The following KAZN variants were observed in gnomAD, a reference collection of about 807,000 sequenced individuals.
KAZN encodes the protein kazrin.
Under a neutral mutation model 87.4 loss-of-function variants are expected in KAZN, and 40 were observed. The ratio of observed to expected loss-of-function variants is 0.46; its 90% CI spans 0.36 to 0.60. The LOEUF is 0.60. Among genes scored for constraint, KAZN ranks in the 20% least tolerant of loss-of-function variants. The pLI, the probability that KAZN is intolerant of heterozygous loss-of-function variation, is 0.00. For missense variants in KAZN, 898 were observed against 1,073.9 expected, an observed-to-expected ratio of 0.84 and a Z score of 2.29; for synonymous variants, 466 against 458.3, an observed-to-expected ratio of 1.02 and a Z score of -0.22.
At chr1:14,375,033 G>A (rs1660787165) in intron 2 of KAZN, among the ~76,000 whole-genome samples, 1 of 152,124 alleles carries the variant, frequency 6.6e-6, no homozygotes, top group Non-Finnish European at 1.5e-5. Context: ...CTTTCAGCTT[G>A]GCTTGGGAAT....
Position 14,319,820 on chromosome 1 carries a change from A to G in KAZN, c.249+139228A>G, listed in dbSNP as rs1016237268. ...CTAGTTTTTGAAGGCAGGAGGATAA[A>G]CCCACTCCCTGTTTTTCTATTATGA... is the stretch of plus-strand genomic sequence containing the variant. On this transcript the variant is annotated intron_variant, in intron 2 of 16. Coordinates refer to the KAZN transcript ENST00000636203. Among the ~76,000 whole-genome samples the G allele has an allele frequency of 2.0e-5, 3 of 152,258 alleles. No homozygotes were observed. The East Asian group carries it at 5.8e-4, about 29-fold the overall frequency.
intron 1 of KAZN, among the ~76,000 whole-genome samples, chr1:14,664,140 T>C (rs1281758849): frequency 1.3e-5 from 2 of 152,122 alleles, no homozygotes; most frequent in African/African-American, 4.8e-5. Flanking sequence ...AAACAGAAAG[T>C]AGAGCTGACT....
At chr1:14,551,964 CTCT>C (rs1673552204) in intron 2 of KAZN, among the ~76,000 whole-genome samples, 2 of 152,142 alleles carry the variant, frequency 1.3e-5, no homozygotes, top group African/African-American at 2.4e-5. Flanking sequence ...AAGTCTCTCT[CTCT>C]TCTTTTTATT....
intron 1 of KAZN, among the ~76,000 whole-genome samples, chr1:14,781,622 C>T (rs926446967): frequency 6.6e-6 from 1 of 152,160 alleles, no homozygotes; most frequent in Admixed American, 6.5e-5. Flanking sequence ...TTCAAGGTTG[C>T]AATGTTACTG....
At chr1:14,325,316 A>G (rs560189095) in intron 2 of KAZN, among the ~76,000 whole-genome samples, 96 of 152,286 alleles carry the variant, frequency 6.3e-4, no homozygotes, top group African/African-American at 2.3e-3. Context: ...TTTGTATTTG[A>G]TGCTAACTTG....
chr1:14,204,865 A>C (rs1163824024), intron 2 of KAZN, among the ~76,000 whole-genome samples: 1 of 152,252 alleles, frequency 6.6e-6, no homozygotes, highest in African/African-American at 2.4e-5. Context: ...GCAGACTTGC[A>C]AGAATGGAGA....
chr1:14,632,928 T>A (rs555738044), intron 1 of KAZN, among the ~76,000 whole-genome samples: 3 of 152,104 alleles, frequency 2.0e-5, no homozygotes, highest in South Asian at 2.1e-4. Context: ...TTATTTATTT[T>A]TTTTTTGAGA....
intron 1 of KAZN, among the ~76,000 whole-genome samples, chr1:14,079,785 C>T (rs113009205): frequency 0.011 from 1,715 of 152,212 alleles, 27 homozygotes; most frequent in African/African-American, 0.038. Flanking sequence ...CCAGCTTTCC[C>T]GTGAAGGAAT....
At chr1:15,007,417 C>T (rs914980841) in intron 2 of KAZN, among the ~76,000 whole-genome samples, 1 of 152,230 alleles carries the variant, frequency 6.6e-6, no homozygotes, top group Non-Finnish European at 1.5e-5. Context: ...CTTTGAGGTG[C>T]AGACATTACG....
chr1:13,915,159 A>G (rs373055188), intron 1 of KAZN, among the ~76,000 whole-genome samples: 1 of 152,236 alleles, frequency 6.6e-6, no homozygotes, highest in Non-Finnish European at 1.5e-5. Context: ...ACACATGCAC[A>G]CAGACACAAA....
At chr1:14,711,341 CAAAAAAA>C (rs544767393) in intron 1 of KAZN, among the ~76,000 whole-genome samples, 4 of 114,780 alleles carry the variant, frequency 3.5e-5, no homozygotes, top group Non-Finnish European at 7.6e-5. Flanking sequence ...ACTCTGTTTC[CAAAAAAA>C]AAAAAAAAAT....
At chr1:14,046,544 C>A (rs1037755508) in intron 1 of KAZN, among the ~76,000 whole-genome samples, 2 of 152,316 alleles carry the variant, frequency 1.3e-5, no homozygotes, top group South Asian at 2.1e-4. Flanking sequence ...CAAAACAGGT[C>A]ATTTTTCCTC....
At chr1:13,929,751 A>G (rs1005302) in intron 1 of KAZN, among the ~76,000 whole-genome samples, 12,659 of 152,292 alleles carry the variant, frequency 0.083, 768 homozygotes, top group East Asian at 0.2. Flanking sequence ...CTGGGAAAAG[A>G]TCCAATGCAG....
intron 2 of KAZN, among the ~76,000 whole-genome samples, chr1:14,191,137 G>A (rs1055640035): frequency 2.0e-5 from 3 of 152,078 alleles, no homozygotes; most frequent in Non-Finnish European, 4.4e-5. Context: ...TAAGCAAAAG[G>A]GTGCATTGAA....
chr1:15,053,195 G>T (rs369702664), intron 4 of KAZN, among the ~76,000 whole-genome samples: 7 of 152,342 alleles, frequency 4.6e-5, no homozygotes, highest in East Asian at 3.9e-4. Context: ...CTAAGACTGC[G>T]AGTGTAGCAG....
chr1:14,860,109 TTCCTTCCTTCC>T (rs1650653603), intron 1 of KAZN, among the ~76,000 whole-genome samples: 1 of 151,876 alleles, frequency 6.6e-6, no homozygotes, highest in Non-Finnish European at 1.5e-5. Context: ...ATAGGCCTTT[TTCCTTCCTTCC>T]TTCTTCCTTC....
chr1:14,394,174 A>G (rs769666491), intron 2 of KAZN, among the ~76,000 whole-genome samples: 4 of 152,254 alleles, frequency 2.6e-5, no homozygotes, highest in Non-Finnish European at 4.4e-5. Flanking sequence ...CGTTAACGCA[A>G]TGATGCTGAT....
At chr1:14,559,134 A>G (rs2148524711) in intron 2 of KAZN, among the ~76,000 whole-genome samples, 1 of 152,340 alleles carries the variant, frequency 6.6e-6, no homozygotes, top group South Asian at 2.1e-4. Context: ...TAATTGTCCC[A>G]AATGAGTCCC....
chr1:15,050,165 G>GATAGA (rs1557757047), intron 4 of KAZN, among the ~76,000 whole-genome samples: 3 of 53,728 alleles, frequency 5.6e-5, no homozygotes, highest in Non-Finnish European at 1.2e-4. Context: ...GAATGGAATA[G>GATAGA]AATAGAATAG....
Sources: allele counts gnomAD v4.1 joint callset (sites outside exome capture counted in the v4.1 genomes callset), GRCh38; gene constraint gnomAD v4.1.1; transcripts MANE v1.5; gene names NCBI Gene and HGNC (gene_info 2026-07-23, HGNC 2026-07-21).